The following SERPINB6 variants were observed in gnomAD, a reference collection of about 807,000 sequenced individuals.
SERPINB6 encodes serpin family B member 6.
A neutral mutation model predicts 26.1 loss-of-function variants in SERPINB6; 16 were observed. The observed-to-expected ratio is 0.61, with a 90% CI of 0.42 to 0.93. The LOEUF is 0.93. Among genes scored for constraint, SERPINB6 ranks in the 40% least tolerant of loss-of-function variants. The probability of loss-of-function intolerance (pLI) is 0.00; values close to 1 mark genes in which losing one functional copy is unlikely to be tolerated. For missense variants in SERPINB6, 420 were observed against 478.0 expected (o/e 0.88, Z 1.13); for synonymous variants, 174 against 176.6 (o/e 0.99, Z 0.11).
At position 2,967,022 on chromosome 6, in the gene SERPINB6, G is replaced by A. The variant is rs533943585; in HGVS notation, c.-11+4511C>T. On this transcript the variant is annotated intron_variant, in intron 1 of 6. Coordinates refer to ENST00000380539, the MANE Select transcript of SERPINB6 (RefSeq NM_004568.6). The surrounding 1 kb of genome is among the most constrained non-coding windows in gnomAD (Gnocchi z 4.3). ...GCTCTTTGTTCTCTTTTTCTGTCAA[G>A]TACAAAACTCTTAGACTGATATCAT... The A allele has an allele frequency of 4.2e-5, 41 of 985,264 alleles. No homozygotes were observed. Among genetic ancestry groups the A allele is most frequent in the Non-Finnish European group, 4.9e-5 (41 of 829,956 alleles). 61.0% of individuals were successfully genotyped at this position (985,264 alleles called of 1,614,324 possible). A position where few individuals can be genotyped will look rare whatever the true frequency, so the allele number is the denominator to read the frequency against.
intron 5 of SERPINB6, among the ~76,000 whole-genome samples, chr6:2,951,359 C>G (rs1005965612): frequency 1.3e-5 from 2 of 150,416 alleles, no homozygotes; most frequent in African/African-American, 4.9e-5. Flanking sequence ...GCACTCCAGC[C>G]TGGGCAACAA....
chr6:2,971,196 G>T, intron 1 of SERPINB6: 1 of 988,418 alleles, frequency 1.0e-6, no homozygotes, highest in Non-Finnish European at 1.2e-6. Context: ...GGCGCCCGGG[G>T]TCCTCGGGTC....
rs79399146 is a variant in SERPINB6 at position 2,949,143 on chromosome 6, G to T, written c.574-74C>A. 170 of 1,537,446 alleles carry T rather than the reference G, an allele frequency of 1.1e-4. No homozygotes were observed. In the East Asian group the frequency reaches 3.8e-3, roughly 35 times the overall value. Reference sequence around the variant, plus strand: ...ACATGGGACAAATGTGTCGGAGCTGGCCACTCTCTGCAGGGAGAAACGCAG... The same window carrying T: ...ACATGGGACAAATGTGTCGGAGCTGTCCACTCTCTGCAGGGAGAAACGCAG... On this transcript the variant is annotated intron_variant, in intron 5 of 6. Coordinates refer to ENST00000380539, the MANE Select transcript of SERPINB6 (RefSeq NM_004568.6).
intron 5 of SERPINB6, among the ~76,000 whole-genome samples, chr6:2,951,887 C>T (rs554934901): frequency 1.4e-4 from 21 of 152,320 alleles, no homozygotes; most frequent in Non-Finnish European, 1.3e-4. Context: ...AGGCTCCCCT[C>T]CCCTCCCTTG....
At chr6:2,956,866 T>G (rs926407600) in intron 2 of SERPINB6, 16 of 152,436 alleles carry the variant, frequency 1.0e-4, no homozygotes, top group African/African-American at 2.9e-4. Flanking sequence ...AGAGGCCTTC[T>G]TGAACCTTCC....
chr6:2,950,241 C>T (rs966163759), intron 5 of SERPINB6, among the ~76,000 whole-genome samples: 3 of 152,096 alleles, frequency 2.0e-5, no homozygotes, highest in African/African-American at 7.2e-5. Context: ...ACATAGAAGA[C>T]ACTCAGTCAG....
In SERPINB6 at chr6:2,953,034, C is replaced by T; in HGVS notation, c.573+10G>A. The stretch of plus-strand genomic sequence containing the variant: ...CACAGGCGCTGCTCCTGTCACGGCC[C>T]CTTACTCGCCTTGCTGACTTTAAAC... On this transcript the variant is annotated intron_variant, in intron 5 of 6. Coordinates refer to ENST00000380539, the MANE Select transcript of SERPINB6 (RefSeq NM_004568.6). 6.2e-7 allele frequency: 1 copy of T among 1,614,170 alleles called. No individual in the cohort carries two copies. Among genetic ancestry groups the T allele is most frequent in the South Asian group, 1.1e-5 (1 of 91,088 alleles).
rs183082696 is a variant in SERPINB6, at chr6:2,968,655, G to T, written c.-11+2878C>A. 2.1e-3 allele frequency: 2,521 copies of T among 1,225,658 alleles called. 5 individuals carry two copies. Among genetic ancestry groups the T allele is most frequent in the Non-Finnish European group, 2.3e-3 (2,281 of 984,664 alleles). The allele number at this position is 1,225,658 out of a possible 1,614,324, so 75.9% of individuals were successfully genotyped here. A position where few individuals can be genotyped will look rare whatever the true frequency, so the allele number is the denominator to read the frequency against. ...TGGGGTCCTTTTGTTATGGTGGCTGGTGTTTGCTTTATTTTATTTAGGTCT... is the reference window on the plus strand; with the variant it reads ...TGGGGTCCTTTTGTTATGGTGGCTGTTGTTTGCTTTATTTTATTTAGGTCT... On this transcript the variant is annotated intron_variant, in intron 1 of 6. Coordinates refer to ENST00000380539, the MANE Select transcript of SERPINB6 (RefSeq NM_004568.6).
At chr6:2,968,707 A>G (rs919489320) in intron 1 of SERPINB6, 7 of 1,231,186 alleles carry the variant, frequency 5.7e-6, no homozygotes, top group Non-Finnish European at 7.1e-6. Flanking sequence ...CTTTCCAAAC[A>G]TTCCTAACAA....
intron 4 of SERPINB6, among the ~76,000 whole-genome samples, chr6:2,953,988 C>A (rs1190225392): frequency 6.6e-6 from 1 of 152,010 alleles, no homozygotes; most frequent in African/African-American, 2.4e-5. Context: ...CAAGATTGCA[C>A]CATTGCACTC....
intron 1 of SERPINB6, chr6:2,970,345 T>C: frequency 3.0e-6 from 3 of 992,984 alleles, no homozygotes; most frequent in Non-Finnish European, 3.6e-6. Context: ...ACCAAAGTAC[T>C]TTTCTCTTTG....
intron 1 of SERPINB6, chr6:2,969,001 A>G: frequency 8.2e-7 from 1 of 1,215,266 alleles, no homozygotes; most frequent in Admixed American, 4.3e-5. Flanking sequence ...CCTCCCCCAC[A>G]GTGCCTGCAG....
At chr6:2,954,556 G>T in intron 4 of SERPINB6, 36 bp downstream of exon 4, 1 of 1,449,260 alleles carries the variant, frequency 6.9e-7, no homozygotes, top group Non-Finnish European at 9.7e-7. Flanking sequence ...TGGATTAAGA[G>T]GTTATTACAA....
chr6:2,970,094 G>A, intron 1 of SERPINB6: 1 of 983,732 alleles, frequency 1.0e-6, no homozygotes, highest in Non-Finnish European at 1.2e-6. Context: ...TTCTTTGGAT[G>A]CCTTGGCTTA....
chr6:2,949,204 C>G (rs1365730731), intron 5 of SERPINB6, 135 bp from the exon 6 acceptor site: 1 of 970,150 alleles, frequency 1.0e-6, no homozygotes, highest in Non-Finnish European at 1.6e-6. Context: ...CACCCGGCAG[C>G]GCCTGCTCTG....
chr6:2,970,893 A>C, intron 1 of SERPINB6: 2 of 1,228,132 alleles, frequency 1.6e-6, no homozygotes, highest in Non-Finnish European at 2.0e-6. Flanking sequence ...TCGTCTCCAC[A>C]GGTCTGGGCG....
intron 4 of SERPINB6, among the ~76,000 whole-genome samples, chr6:2,953,453 A>G (rs987042042): frequency 6.6e-6 from 1 of 152,236 alleles, no homozygotes; most frequent in African/African-American, 2.4e-5. Flanking sequence ...GATAAGAAGC[A>G]ATCATGGGTG....
Position 2,948,192 on chromosome 6 carries a change from T to C in SERPINB6, c.*106A>G. 1 of 1,312,168 alleles carries C rather than the reference T, an allele frequency of 7.6e-7. No homozygotes were observed. Among genetic ancestry groups the C allele is most frequent in the Non-Finnish European group, 1.1e-6 (1 of 910,678 alleles). The allele number at this position is 1,312,168 out of a possible 1,614,324, so 81.3% of individuals were successfully genotyped here. ...GCATCCCACAAATGGGCCCTTTATT[T>C]CTGAACTGCCACCACTGCACGGATA... On this transcript the variant is annotated 3_prime_UTR_variant, in exon 7 of 7. Coordinates refer to ENST00000380539, the MANE Select transcript of SERPINB6 (RefSeq NM_004568.6). The surrounding 1 kb of genome is among the most constrained non-coding windows in gnomAD (Gnocchi z 5.0).
Position 2,949,009 on chromosome 6 carries a change from C to T in SERPINB6, c.634G>A (p.Gly212Arg). The change falls in exon 6 of 7, where the codon GGA (glycine) becomes AGA (arginine). Residue 212 changes from glycine (G) to arginine (R), a missense_variant. Gly to Arg is a moderately radical substitution (Grantham distance 125). Transcript: ENST00000380539. ...ACCAAGATTTGGGTAAATATTTCTC[C>T]TATATAGGTCTTCTTAAAAGTAGAT... is the stretch of plus-strand genomic sequence containing the variant. ...KQSTFKKTYI[G>R]EIFTQILVLP... The T allele has an allele frequency of 6.2e-7, 1 of 1,614,196 alleles. No individual in the cohort carries two copies. Among genetic ancestry groups the T allele is most frequent in the Non-Finnish European group, 8.5e-7 (1 of 1,180,024 alleles).
Sources: gnomAD v4.1 joint callset for allele counts (sites outside exome capture counted in the v4.1 genomes callset) on GRCh38, gnomAD v4.1.1 for gene constraint, Gnocchi (gnomAD v3.1) non-coding constraint, MANE v1.5 for transcripts, NCBI Gene and HGNC (gene_info 2026-07-23, HGNC 2026-07-21) for gene names.